SUV39H1: variants seen among roughly 807,000 people sequenced by gnomAD.
The protein encoded by SUV39H1 is histone-lysine N-methyltransferase SUV39H1.
For missense variants in SUV39H1, 180 were observed against 386.3 expected (o/e 0.47, Z 4.48); for synonymous variants, 141 against 150.5 (o/e 0.94, Z 0.46).
upstream of SUV39H1, chrX:48,696,631 C>T (rs1306269238): frequency 9.8e-6 from 7 of 717,086 alleles, no homozygotes; most frequent in Admixed American, 5.9e-5. Context: ...AGCCGGGCGG[C>T]AGGGAGGGGT....
intron 3 of SUV39H1, among the ~76,000 whole-genome samples, chrX:48,703,083 A>T (rs1361349165): frequency 8.9e-6 from 1 of 112,079 alleles, no homozygotes; most frequent in Non-Finnish European, 1.9e-5. Context: ...AAATTAAATG[A>T]GTTACTATGT....
chrX:48,698,656 G>A (rs1557008990), intron 1 of SUV39H1, among the ~76,000 whole-genome samples: 3 of 111,627 alleles, frequency 2.7e-5, no homozygotes. Context: ...ATTCCTTTAG[G>A]ACAATTCATG....
At chrX:48,696,640 G>A, upstream of SUV39H1, 1 of 808,964 alleles carries the variant, frequency 1.2e-6, no homozygotes, top group South Asian at 3.0e-5. Flanking sequence ...GCAGGGAGGG[G>A]TTCGGTCACG....
upstream of SUV39H1, chrX:48,696,471 CTGA>C (rs2062455452): frequency 4.1e-6 from 1 of 243,202 alleles, no homozygotes; most frequent in African/African-American, 2.9e-5. Flanking sequence ...CTGCGACTGG[CTGA>C]TAACGTGATT....
At chrX:48,704,928 A>G (rs1224628349) in intron 3 of SUV39H1, among the ~76,000 whole-genome samples, 1 of 112,003 alleles carries the variant, frequency 8.9e-6, no homozygotes, top group Non-Finnish European at 1.9e-5. Flanking sequence ...GAAGGCCTCA[A>G]TAAAAACCCT....
intron 3 of SUV39H1, 103 bp from the exon 4 acceptor site, chrX:48,706,162 G>T (rs2062490283): frequency 9.5e-7 from 1 of 1,054,546 alleles, no homozygotes. Flanking sequence ...TGTGTCCACG[G>T]GCAGGGGTGC....
intron 5 of SUV39H1, among the ~76,000 whole-genome samples, chrX:48,707,093 C>G (rs1488835874): frequency 5.5e-5 from 6 of 109,391 alleles, no homozygotes; most frequent in Non-Finnish European, 1.1e-4. Flanking sequence ...CCAGGTGGCC[C>G]TCTATTCCTG....
At position 48,707,841 on chromosome X, in the gene SUV39H1, G is replaced by A. The variant is rs1056805945; in HGVS notation, c.*271G>A. On this transcript the variant is annotated 3_prime_UTR_variant, in exon 6 of 6. Transcript: ENST00000376687. ...TTTTTCAACATCAAGACTCTCTGTC[G>A]TTGGGATTCATGGCCTATTAAGGAG... The A allele has an allele frequency of 1.7e-5, 7 of 421,109 alleles. No individual in the cohort carries two copies. Among genetic ancestry groups the A allele is most frequent in the Admixed American group, 1.2e-4 (4 of 34,278 alleles). The allele number at this position is 421,109 out of a possible 1,213,427, so 34.7% of individuals were successfully genotyped here. A position where few individuals can be genotyped will look rare whatever the true frequency, so the allele number is the denominator to read the frequency against.
chrX:48,702,115 A>G (rs2062476988), intron 3 of SUV39H1, among the ~76,000 whole-genome samples: 1 of 112,494 alleles, frequency 8.9e-6, no homozygotes. Flanking sequence ...CCCTGTCCAG[A>G]TAACCCTGCT....
chrX:48,700,069 TC>T, intron 2 of SUV39H1, 21 bp from the exon 3 acceptor site: 1 of 719,886 alleles, frequency 1.4e-6, no homozygotes, highest in Non-Finnish European at 2.0e-6. Flanking sequence ...GGTACCCCCG[TC>T]CCCCTACCCA....
chrX:48,705,227 G>A (rs2062487103), intron 3 of SUV39H1: 1 of 112,310 alleles, frequency 8.9e-6, no homozygotes, highest in Admixed American at 9.4e-5. Context: ...GTGTGGCGGG[G>A]GAGTACTGGA....
At position 48,700,704 on chromosome X, in the gene SUV39H1, C is replaced by G. The variant is rs781886136; in HGVS notation, c.779C>G (p.Thr260Ser). Residue 260 changes from threonine to serine, a missense_variant, in exon 3 of 6, where the codon ACC becomes AGC. Transcript: ENST00000376687. ...GATGGGCGTGGCTGGGGCGTCCGCA[C>G]CCTGGAGAAGATTCGCAAGAACAGC... ...TDDGRGWGVR[T>S]LEKIRKNSFV... 1.7e-6 allele frequency: 2 copies of G among 1,210,156 alleles called. No individual in the cohort carries two copies. The highest frequency in any genetic ancestry group is 3.5e-5 in the African/African-American group (2 of 57,327).
At chrX:48,696,959 T>C (rs1442819026) in intron 1 of SUV39H1, among the ~76,000 whole-genome samples, 156 bp downstream of exon 1, 1 of 93,661 alleles carries the variant, frequency 1.1e-5, no homozygotes, top group Non-Finnish European at 2.1e-5. Flanking sequence ...GCGGGCCTGG[T>C]GCGCGGGGCT....
chrX:48,697,832 T>C (rs2062461655), intron 1 of SUV39H1, among the ~76,000 whole-genome samples: 1 of 112,517 alleles, frequency 8.9e-6, no homozygotes, highest in Admixed American at 9.4e-5. Context: ...AGAATGTGCC[T>C]TGAATCAGAA....
chrX:48,699,694 C>A (rs1267796226), intron 2 of SUV39H1, among the ~76,000 whole-genome samples: 1 of 111,451 alleles, frequency 9.0e-6, no homozygotes, highest in Non-Finnish European at 1.9e-5. Flanking sequence ...GATGGTTTGT[C>A]ACTGGACGTA....
chrX:48,696,821 G>A lies in SUV39H1; in HGVS notation c.19+18G>A. On this transcript the variant is annotated intron_variant, in intron 1 of 5. Coordinates refer to ENST00000376687, the MANE Select transcript of SUV39H1 (RefSeq NM_003173.4). ...TTTAAAAGGTGAAGCAGTGGAGGCA[G>A]AGGCGCGGGCCCGCTGGCCGGGCCG... 8.9e-7 allele frequency: 1 copy of A among 1,119,504 alleles called. No individual in the cohort carries two copies. Among genetic ancestry groups the A allele is most frequent in the African/African-American group, 1.9e-5 (1 of 53,362 alleles). 92.3% of individuals were successfully genotyped at this position (1,119,504 alleles called of 1,213,427 possible).
Position 48,703,977 on chromosome X carries a change from T to C in SUV39H1, c.829-2288T>C, listed in dbSNP as rs183320067. ...TGGTACCCTGCCAGGCTGTAGCTTT[T>C]TTTTTTTTTTTTTAGCTGAGGAAAC... is the stretch of plus-strand genomic sequence containing the variant. On this transcript the variant is annotated intron_variant, in intron 3 of 5. Transcript: ENST00000376687. Among the ~76,000 whole-genome samples the C allele has an allele frequency of 8.4e-4, 92 of 109,191 alleles. No homozygotes were observed. In the East Asian group the frequency reaches 0.021, roughly 25 times the overall value. The allele number at this position is 109,191 out of a possible 115,157, so 94.8% of individuals were successfully genotyped here.
At chrX:48,696,296 T>A (rs1359407637), upstream of SUV39H1, among the ~76,000 whole-genome samples, 12 of 111,621 alleles carry the variant, frequency 1.1e-4, no homozygotes, top group African/African-American at 3.9e-4. Flanking sequence ...TGCCCAGCAG[T>A]GTGGATGGGG....
At chrX:48,697,059 T>G (rs1202763625) in intron 1 of SUV39H1, among the ~76,000 whole-genome samples, 3 of 108,555 alleles carry the variant, frequency 2.8e-5, no homozygotes, top group Non-Finnish European at 5.8e-5. Context: ...GCGCTGCAGA[T>G]CGCGGCCGGA....
Sources: gnomAD v4.1 joint callset for allele counts (sites outside exome capture counted in the v4.1 genomes callset) on GRCh38, gnomAD v4.1.1 for gene constraint, MANE v1.5 for transcripts, NCBI Gene and HGNC (gene_info 2026-07-23, HGNC 2026-07-21) for gene names.